TTC28: variants seen among roughly 807,000 people sequenced by gnomAD.
TTC28 encodes tetratricopeptide repeat protein 28.
TTC28 carries 61 observed loss-of-function variants against 198.0 expected under a neutral mutation model. That is an observed-to-expected ratio of 0.31 (90% CI 0.25 to 0.38). The LOEUF is 0.38. Ranked by LOEUF, TTC28 falls within the 10% of genes least tolerant of loss-of-function variation. TTC28 has a pLI of 1.00. For synonymous variants in TTC28, 1,171 were observed against 1,297.8 expected, an observed-to-expected ratio of 0.90 and a Z score of 2.10; for missense variants, 2,678 against 3,164.0, an observed-to-expected ratio of 0.85 and a Z score of 3.69.
intron 2 of TTC28, among the ~76,000 whole-genome samples, chr22:28,618,682 C>CAA (rs397974118): frequency 2.6e-4 from 14 of 54,014 alleles, no homozygotes; most frequent in African/African-American, 6.6e-4. Flanking sequence ...ACTCTGTCTC[C>CAA]AAAAAAAAAA....
intron 2 of TTC28, among the ~76,000 whole-genome samples, chr22:28,441,945 T>G (rs1799683293): frequency 6.7e-6 from 1 of 149,020 alleles, no homozygotes; most frequent in South Asian, 2.1e-4. Context: ...CGCCTAACAG[T>G]TAGGGGCAGT....
intron 1 of TTC28, among the ~76,000 whole-genome samples, chr22:28,631,733 C>T (rs897408021): frequency 3.3e-5 from 5 of 152,050 alleles, no homozygotes; most frequent in African/African-American, 9.7e-5. Flanking sequence ...CTCATGTTGC[C>T]GAGGCTGGTC....
intron 2 of TTC28, among the ~76,000 whole-genome samples, chr22:28,597,309 ACT>A (rs2050557699): frequency 6.6e-6 from 1 of 152,112 alleles, no homozygotes; most frequent in Admixed American, 6.5e-5. Flanking sequence ...AAAAACTGAA[ACT>A]CTACACTCAC....
At chr22:28,171,852 T>C (rs1487822510) in intron 5 of TTC28, among the ~76,000 whole-genome samples, 1 of 152,162 alleles carries the variant, frequency 6.6e-6, no homozygotes, top group African/African-American at 2.4e-5. Flanking sequence ...GCATGTCACT[T>C]GGTTGTGTAC....
In TTC28 at chr22:27,992,569, C is replaced by A. The variant is rs563246069; in HGVS notation, c.5553+18G>T. On this transcript the variant is annotated intron_variant, in intron 19 of 22. Coordinates refer to ENST00000397906, the MANE Select transcript of TTC28 (RefSeq NM_001145418.2). ...CATGGGCCTCAGGCCCTGGCTCAGCCCTCCAGGCTCGACTTACCCGGCTGA... is the reference window on the plus strand; with the variant it reads ...CATGGGCCTCAGGCCCTGGCTCAGCACTCCAGGCTCGACTTACCCGGCTGA... 1.4e-5 allele frequency: 21 copies of A among 1,550,846 alleles called. No homozygotes were observed. In the East Asian group the frequency reaches 2.9e-4, roughly 22 times the overall value.
chr22:28,190,782 C>T (rs938617636), intron 5 of TTC28, among the ~76,000 whole-genome samples: 2 of 152,200 alleles, frequency 1.3e-5, no homozygotes, highest in Non-Finnish European at 2.9e-5. Context: ...CATCTAAACA[C>T]ATTTCACTCT....
intron 2 of TTC28, among the ~76,000 whole-genome samples, chr22:28,401,107 T>G (rs905299194): frequency 6.6e-6 from 1 of 150,668 alleles, no homozygotes; most frequent in South Asian, 2.1e-4. Flanking sequence ...TGGTACAGAG[T>G]TGTTTATAGT....
Position 28,094,395 on chromosome 22 carries a change from G to A in TTC28, c.3767-150C>T, listed in dbSNP as rs189569409. 59 of 860,108 alleles carry A rather than the reference G, an allele frequency of 6.9e-5. 1 individual carries two copies. The African/African-American group carries it at 8.7e-4, about 13-fold the overall frequency. The allele number at this position is 860,108 out of a possible 1,614,324, so 53.3% of individuals were successfully genotyped here. A position where few individuals can be genotyped will look rare whatever the true frequency, so the allele number is the denominator to read the frequency against. On this transcript the variant is annotated intron_variant, in intron 11 of 22. Transcript: ENST00000397906. ...CCTGTCAAAAAATCCTGAAATCCAAGGTCTCAAGAGGGCTTTCTCTATTTT... is the reference window on the plus strand; with the variant it reads ...CCTGTCAAAAAATCCTGAAATCCAAAGTCTCAAGAGGGCTTTCTCTATTTT...
chr22:28,177,175 CAATT>C (rs1382165659), intron 5 of TTC28, among the ~76,000 whole-genome samples: 1 of 151,938 alleles, frequency 6.6e-6, no homozygotes, highest in Non-Finnish European at 1.5e-5. Context: ...AGAAAACAAA[CAATT>C]AAAAAATAAC....
chr22:28,298,109 TACC>T (rs1378312067), intron 3 of TTC28, among the ~76,000 whole-genome samples: 1 of 152,162 alleles, frequency 6.6e-6, no homozygotes, highest in Non-Finnish European at 1.5e-5. Flanking sequence ...GATCATCATG[TACC>T]ACTTTCCCTG....
In TTC28 at chr22:28,043,260, A is replaced by G. The variant is rs986809912; in HGVS notation, c.3933-12894T>C. Among the ~76,000 whole-genome samples, 156 of 150,606 alleles carry G rather than the reference A, an allele frequency of 1.0e-3. 2 individuals are homozygous for G. Among genetic ancestry groups the G allele is most frequent in the East Asian group, 1.7e-3 (9 of 5,144 alleles). On this transcript the variant is annotated intron_variant, in intron 12 of 22. Coordinates refer to ENST00000397906, the MANE Select transcript of TTC28 (RefSeq NM_001145418.2). The stretch of plus-strand genomic sequence containing the variant: ...TCCATCTCAAAAAAAAAAAAAAAAA[A>G]AAAAAAAAAGAAAAGATATTGCCTC...
At chr22:28,317,936 C>T (rs1282186220) in intron 2 of TTC28, among the ~76,000 whole-genome samples, 1 of 152,116 alleles carries the variant, frequency 6.6e-6, no homozygotes, top group Non-Finnish European at 1.5e-5. Context: ...TGGGGTCTTG[C>T]TCTGTCACCC....
In TTC28 at chr22:28,573,314, G is replaced by C. The variant is rs2146032831; in HGVS notation, c.381+56238C>G. ...TACTAAAAATACAAAAATTAGCCCA[G>C]TGTGGTGGCATGCGTGTAGTCCCAG... On this transcript the variant is annotated intron_variant, in intron 2 of 22. Coordinates refer to ENST00000397906, the MANE Select transcript of TTC28 (RefSeq NM_001145418.2). 3.3e-5 allele frequency among the ~76,000 whole-genome samples: 5 copies of C among 151,530 alleles called. 1 individual carries two copies. The highest frequency in any genetic ancestry group is 3.3e-4 in the Admixed American group (5 of 15,212).
chr22:28,571,128 CA>C (rs1387916915), intron 2 of TTC28, among the ~76,000 whole-genome samples: 1 of 152,070 alleles, frequency 6.6e-6, no homozygotes, highest in Non-Finnish European at 1.5e-5. Context: ...CATAAAAATA[CA>C]TTTATGCCTA....
chr22:28,168,222 A>G (rs1315683935), intron 5 of TTC28, among the ~76,000 whole-genome samples: 1 of 152,246 alleles, frequency 6.6e-6, no homozygotes, highest in East Asian at 1.9e-4. Flanking sequence ...GGAAGAATCA[A>G]TATCGTGAAA....
At chr22:28,355,691 T>C (rs552051159) in intron 2 of TTC28, among the ~76,000 whole-genome samples, 10 of 152,338 alleles carry the variant, frequency 6.6e-5, no homozygotes, top group Non-Finnish European at 1.3e-4. Context: ...AGAATAGTAG[T>C]CACGGCCAAA....
At chr22:28,118,859 T>A (rs901425931) in intron 6 of TTC28, among the ~76,000 whole-genome samples, 2 of 152,232 alleles carry the variant, frequency 1.3e-5, no homozygotes, top group Admixed American at 6.5e-5. Flanking sequence ...ATCTTGATTT[T>A]CTATTTCTAT....
chr22:28,533,517 C>T lies in TTC28; in HGVS notation c.381+96035G>A, dbSNP rs1475012962. 3.9e-5 allele frequency among the ~76,000 whole-genome samples: 6 copies of T among 152,292 alleles called. No individual in the cohort carries two copies. In the Middle Eastern group the frequency reaches 0.01, roughly 259 times the overall value. ...TTTATAGATTCAATGCCATCCCCAT[C>T]AAGCTACCAATGACTTTCTTCACAG... is the stretch of plus-strand genomic sequence containing the variant. On this transcript the variant is annotated intron_variant, in intron 2 of 22. Transcript: ENST00000397906.
At chr22:28,292,206 G>T (rs962996792) in intron 5 of TTC28, among the ~76,000 whole-genome samples, 2 of 151,912 alleles carry the variant, frequency 1.3e-5, no homozygotes, top group African/African-American at 2.4e-5. Flanking sequence ...TTATTTTGTA[G>T]ACAGGGCCTC....
Sources: gnomAD v4.1 joint callset for allele counts (sites outside exome capture counted in the v4.1 genomes callset) on GRCh38, gnomAD v4.1.1 for gene constraint, MANE v1.5 for transcripts, NCBI Gene and HGNC (gene_info 2026-07-23, HGNC 2026-07-21) for gene names.